Variants in TMEM108 observed in about 807,000 individuals in gnomAD.
TMEM108 encodes cancer/testis antigen 124.
TMEM108 carries 12 observed loss-of-function variants against 35.1 expected under a neutral mutation model. The ratio of observed to expected loss-of-function variants is 0.34; its 90% CI spans 0.22 to 0.55. The LOEUF (loss-of-function observed/expected upper bound fraction) is 0.55, where lower values mean the gene tolerates loss of function less well. Ranked by LOEUF, TMEM108 falls within the 20% of genes least tolerant of loss-of-function variation. The pLI is 0.89. For synonymous variants in TMEM108, 287 were observed against 308.6 expected, an observed-to-expected ratio of 0.93 and a Z score of 0.73; for missense variants, 680 against 753.3, an observed-to-expected ratio of 0.90 and a Z score of 1.14.
At chr3:133,212,042 C>G (rs1377185275) in intron 2 of TMEM108, among the ~76,000 whole-genome samples, 3 of 152,148 alleles carry the variant, frequency 2.0e-5, no homozygotes, top group Non-Finnish European at 4.4e-5. Flanking sequence ...AGACTCCAGG[C>G]TGGCTGGAGG....
chr3:133,336,812 C>T (rs1188502826), intron 3 of TMEM108, among the ~76,000 whole-genome samples: 1 of 151,978 alleles, frequency 6.6e-6, no homozygotes, highest in African/African-American at 2.4e-5. Flanking sequence ...CAGAGGGGAG[C>T]CCACTGCCCT....
rs148513422 is a variant in TMEM108 at position 133,124,371 on chromosome 3, C to G, written c.-47+78351C>G. On this transcript the variant is annotated intron_variant, in intron 2 of 5. Transcript: ENST00000321871. Reference sequence around the variant, plus strand: ...GTGGAGGCAGCTATTGATAATTTTACTTTTCTTATAGCTGAAGATGAAGGA... The same window carrying G: ...GTGGAGGCAGCTATTGATAATTTTAGTTTTCTTATAGCTGAAGATGAAGGA... 1.8e-4 allele frequency among the ~76,000 whole-genome samples: 27 copies of G among 152,298 alleles called. No individual in the cohort carries two copies. In the East Asian group the frequency reaches 4.8e-3, roughly 27 times the overall value.
At chr3:133,251,079 C>T (rs1277768365) in intron 3 of TMEM108, among the ~76,000 whole-genome samples, 1 of 152,076 alleles carries the variant, frequency 6.6e-6, no homozygotes, top group Non-Finnish European at 1.5e-5. Flanking sequence ...GTGAACTTTC[C>T]TAGGATCTCA....
chr3:133,091,769 C>T (rs1039769851), intron 2 of TMEM108, among the ~76,000 whole-genome samples: 1 of 152,106 alleles, frequency 6.6e-6, no homozygotes, highest in East Asian at 1.9e-4. Flanking sequence ...TAAAGTATTG[C>T]CTCTCCCAGC....
At position 133,370,871 on chromosome 3, in the gene TMEM108, AGTGTGTGTGTGT is replaced by A. The variant is rs71624013; in HGVS notation, c.41-8841_41-8830del. Among the ~76,000 whole-genome samples, 1,189 of 125,552 alleles carry A rather than the reference AGTGTGTGTGTGT, an allele frequency of 9.5e-3. 9 individuals are homozygous for A. Among genetic ancestry groups the A allele is most frequent in the South Asian group, 0.026 (84 of 3,226 alleles). 82.4% of individuals were successfully genotyped at this position (125,552 alleles called of 152,430 possible). On this transcript the variant is annotated intron_variant, in intron 3 of 5. Transcript: ENST00000321871. ...TATTCCGTCTGTTTCCCCAGCCCAT[AGTGTGTGTGTGT>A]GTGTGTGTGTGTGTGTGTGTGTGTG...
intron 3 of TMEM108, among the ~76,000 whole-genome samples, chr3:133,375,146 C>A (rs1402072835): frequency 1.3e-5 from 2 of 152,192 alleles, no homozygotes; most frequent in African/African-American, 4.8e-5. Context: ...TACATATTAG[C>A]CATTTCTCTT....
rs574578844 is a variant in TMEM108, at chr3:133,160,050, A to C, written c.-46-69216A>C. Among the ~76,000 whole-genome samples the C allele has an allele frequency of 3.9e-5, 6 of 152,342 alleles. No individual in the cohort carries two copies. The South Asian group carries it at 1.2e-3, about 32-fold the overall frequency. The stretch of plus-strand genomic sequence containing the variant: ...GTTCACAGTCACCTTCTTTGTTGAC[A>C]GACGCCTTCTTTGTGGAGGACTACA... On this transcript the variant is annotated intron_variant, in intron 2 of 5. Transcript: ENST00000321871.
At chr3:133,326,364 G>A (rs1429062467) in intron 3 of TMEM108, among the ~76,000 whole-genome samples, 1 of 152,144 alleles carries the variant, frequency 6.6e-6, no homozygotes, top group Admixed American at 6.5e-5. Flanking sequence ...CCAAGGACGT[G>A]TCACCCAAGG....
chr3:133,107,667 G>A lies in TMEM108; in HGVS notation c.-47+61647G>A, dbSNP rs368965671. 7.2e-5 allele frequency among the ~76,000 whole-genome samples: 11 copies of A among 152,232 alleles called. 1 individual carries two copies. Among genetic ancestry groups the A allele is most frequent in the East Asian group, 3.9e-4 (2 of 5,174 alleles). ...TAATTCAGCTGCCAAAAAAGGGATT[G>A]CTCATGATTCACCAGGTTACCCAGG... On this transcript the variant is annotated intron_variant, in intron 2 of 5. Coordinates refer to ENST00000321871, the MANE Select transcript of TMEM108 (RefSeq NM_023943.4).
chr3:133,089,802 A>G (rs1943926760), intron 2 of TMEM108, among the ~76,000 whole-genome samples: 1 of 152,246 alleles, frequency 6.6e-6, no homozygotes, highest in Non-Finnish European at 1.5e-5. Flanking sequence ...TGCTGAAGGC[A>G]GGTCTGACTA....
At chr3:133,186,785 G>T (rs537122552) in intron 2 of TMEM108, among the ~76,000 whole-genome samples, 12 of 152,102 alleles carry the variant, frequency 7.9e-5, no homozygotes, top group Non-Finnish European at 1.3e-4. Context: ...TTGAGGATAT[G>T]ATATTTTAAA....
intron 3 of TMEM108, among the ~76,000 whole-genome samples, chr3:133,280,871 A>G (rs1268961473): frequency 2.6e-5 from 4 of 152,230 alleles, no homozygotes; most frequent in Non-Finnish European, 5.9e-5. Context: ...ACAGCAGGCT[A>G]GCTCAAACTT....
intron 3 of TMEM108, among the ~76,000 whole-genome samples, chr3:133,242,657 T>C (rs1946329904): frequency 6.6e-6 from 1 of 152,238 alleles, no homozygotes; most frequent in East Asian, 1.9e-4. Flanking sequence ...GGGTCTCTCC[T>C]GCCCTTGTCA....
At position 133,057,421 on chromosome 3, in the gene TMEM108, T is replaced by TTG. The variant is rs139260604; in HGVS notation, c.-47+11415_-47+11416dup. Among the ~76,000 whole-genome samples the TTG allele has an allele frequency of 5.3e-3, 556 of 105,264 alleles. 7 individuals carry two copies. Among genetic ancestry groups the TTG allele is most frequent in the African/African-American group, 6.7e-3 (166 of 24,666 alleles). The allele number at this position is 105,264 out of a possible 152,430, so 69.1% of individuals were successfully genotyped here. A position where few individuals can be genotyped will look rare whatever the true frequency, so the allele number is the denominator to read the frequency against. ...TTTAGTAATAAATATGGGCTATTAGTTGTGTGTGTGTGTGTATATATATAT... is the reference window on the plus strand; with the variant it reads ...TTTAGTAATAAATATGGGCTATTAGTTGTGTGTGTGTGTGTGTATATATATAT... On this transcript the variant is annotated intron_variant, in intron 2 of 5. Transcript: ENST00000321871.
chr3:133,070,848 G>C (rs1182422093), intron 2 of TMEM108, among the ~76,000 whole-genome samples: 1 of 151,708 alleles, frequency 6.6e-6, no homozygotes, highest in Non-Finnish European at 1.5e-5. Flanking sequence ...GCTGAAGATG[G>C]GTATGAGGGT....
chr3:133,353,457 T>C (rs374091852), intron 3 of TMEM108, among the ~76,000 whole-genome samples: 3 of 152,320 alleles, frequency 2.0e-5, no homozygotes. Context: ...AAGAATCCAG[T>C]GTGACTTCAT....
chr3:133,249,920 T>C (rs1946443949), intron 3 of TMEM108, among the ~76,000 whole-genome samples: 1 of 152,086 alleles, frequency 6.6e-6, no homozygotes, highest in Admixed American at 6.6e-5. Flanking sequence ...AAAAGGAAAT[T>C]TCAGTTTATG....
chr3:133,065,874 A>C (rs961603288), intron 2 of TMEM108, among the ~76,000 whole-genome samples: 1 of 152,158 alleles, frequency 6.6e-6, no homozygotes, highest in Non-Finnish European at 1.5e-5. Flanking sequence ...AATGCATGGC[A>C]ATTTTAGTTC....
chr3:133,086,320 A>T (rs974106651), intron 2 of TMEM108, among the ~76,000 whole-genome samples: 1 of 151,476 alleles, frequency 6.6e-6, no homozygotes, highest in East Asian at 1.9e-4. Context: ...TTCTTTTGCC[A>T]TCTGTAAAGT....
Sources: allele counts gnomAD v4.1 joint callset (sites outside exome capture counted in the v4.1 genomes callset), GRCh38; gene constraint gnomAD v4.1.1; transcripts MANE v1.5; gene names NCBI Gene and HGNC (gene_info 2026-07-23, HGNC 2026-07-21).